Variants in SAMD3 observed in about 807,000 individuals in gnomAD.
The protein encoded by SAMD3 is sterile alpha motif domain-containing protein 3.
SAMD3 carries 63 observed loss-of-function variants against 58.5 expected under a neutral mutation model. That is an observed-to-expected ratio of 1.08 (90% CI 0.88 to 1.33). The LOEUF (loss-of-function observed/expected upper bound fraction) is 1.33. SAMD3 is among the 40% of genes most tolerant of loss of function. The probability of loss-of-function intolerance (pLI) is 0.00; values close to 1 mark genes in which losing one functional copy is unlikely to be tolerated. For missense variants in SAMD3, 604 were observed against 608.4 expected, an observed-to-expected ratio of 0.99 and a Z score of 0.08; for synonymous variants, 220 against 210.3, an observed-to-expected ratio of 1.05 and a Z score of -0.40.
At position 130,146,146 on chromosome 6, in the gene SAMD3, A is replaced by G. The variant is rs745718909; in HGVS notation, c.1059T>C (p.Asp353=). The change falls in exon 10 of 12, where the codon GAT becomes GAC. Residue 353 remains aspartate, a synonymous_variant. Coordinates refer to ENST00000439090, the MANE Select transcript of SAMD3 (RefSeq NM_001017373.4). ...AAATGTGCCTTGTTTTCTTATAAATATCTGTTCTTGTAAGAAGTTGGAATT... is the reference window on the plus strand; with the variant it reads ...AAATGTGCCTTGTTTTCTTATAAATGTCTGTTCTTGTAAGAAGTTGGAATT... The part of the protein sequence containing the change: ...FREFQLLTRT[D]IYKKTRHILE... 4 of 1,596,078 alleles carry G rather than the reference A, an allele frequency of 2.5e-6. No individual in the cohort carries two copies. Among genetic ancestry groups the G allele is most frequent in the African/African-American group, 1.3e-5 (1 of 74,286 alleles).
At chr6:130,158,042 A>G (rs1352931406) in intron 8 of SAMD3, among the ~76,000 whole-genome samples, 2 of 152,182 alleles carry the variant, frequency 1.3e-5, no homozygotes, top group Non-Finnish European at 2.9e-5. Context: ...TTATGAAACT[A>G]TAAAATATTA....
intron 2 of SAMD3, among the ~76,000 whole-genome samples, chr6:130,260,629 G>A (rs777442340): frequency 5.9e-5 from 9 of 152,188 alleles, no homozygotes; most frequent in Admixed American, 2.0e-4. Context: ...TTCCCTGACC[G>A]GGAAGCAAGG....
chr6:130,313,636 T>C (rs2114991544), intron 1 of SAMD3, among the ~76,000 whole-genome samples: 1 of 152,332 alleles, frequency 6.6e-6, no homozygotes, highest in South Asian at 2.1e-4. Flanking sequence ...CATTTTCAGC[T>C]GTAAATCTCT....
intron 1 of SAMD3, among the ~76,000 whole-genome samples, chr6:130,346,981 G>A (rs577547003): frequency 6.6e-6 from 1 of 152,278 alleles, no homozygotes; most frequent in South Asian, 2.1e-4. Flanking sequence ...ATCTGGAGTG[G>A]ACCTCCAGCA....
chr6:130,239,872 C>A (rs1413102072), intron 2 of SAMD3, among the ~76,000 whole-genome samples: 1 of 152,126 alleles, frequency 6.6e-6, no homozygotes, highest in African/African-American at 2.4e-5. Context: ...GTGGGTTGAC[C>A]GGAAGACAAG....
At chr6:130,222,018 A>G (rs1796246291) in intron 1 of SAMD3, among the ~76,000 whole-genome samples, 1 of 152,188 alleles carries the variant, frequency 6.6e-6, no homozygotes, top group Non-Finnish European at 1.5e-5. Flanking sequence ...CACACTGCTA[A>G]GGGGAGTATA....
intron 1 of SAMD3, among the ~76,000 whole-genome samples, chr6:130,330,022 T>G (rs576960423): frequency 5.1e-4 from 77 of 152,252 alleles, no homozygotes; most frequent in Non-Finnish European, 7.5e-4. Context: ...CCATGGCACA[T>G]GTATACCTAT....
chr6:130,359,705 A>C (rs570989336), intron 1 of SAMD3, among the ~76,000 whole-genome samples: 11 of 152,364 alleles, frequency 7.2e-5, no homozygotes, highest in Non-Finnish European at 1.3e-4. Flanking sequence ...ATACAGCCCA[A>C]CTGAATATAA....
intron 2 of SAMD3, among the ~76,000 whole-genome samples, chr6:130,295,215 G>A (rs377421362): frequency 5.7e-4 from 86 of 152,210 alleles, no homozygotes; most frequent in African/African-American, 1.9e-3. Flanking sequence ...GAGCCACCAC[G>A]TCCAGCCTCT....
intron 9 of SAMD3, among the ~76,000 whole-genome samples, chr6:130,152,332 TGA>T (rs1789284775): frequency 6.6e-6 from 1 of 152,188 alleles, no homozygotes; most frequent in Non-Finnish European, 1.5e-5. Flanking sequence ...TGCCTAGGGC[TGA>T]GTCAGGGAGG....
intron 2 of SAMD3, among the ~76,000 whole-genome samples, chr6:130,256,653 T>G (rs1773936720): frequency 6.6e-6 from 1 of 152,164 alleles, no homozygotes; most frequent in Non-Finnish European, 1.5e-5. Context: ...CAATATGCAG[T>G]CCTCTCCCAA....
intron 2 of SAMD3, among the ~76,000 whole-genome samples, chr6:130,282,064 A>T (rs1774998965): frequency 6.6e-6 from 1 of 152,106 alleles, no homozygotes; most frequent in Admixed American, 6.6e-5. Context: ...TGACAGAGCT[A>T]CTCAGGAAAG....
At chr6:130,238,628 A>G (rs73603970) in intron 2 of SAMD3, among the ~76,000 whole-genome samples, 2,042 of 152,356 alleles carry the variant, frequency 0.013, 41 homozygotes, top group African/African-American at 0.047. Context: ...AATACGAGCA[A>G]GAGGGGAAAC....
intron 1 of SAMD3, among the ~76,000 whole-genome samples, chr6:130,343,857 T>C (rs1018495974): frequency 1.3e-5 from 2 of 151,886 alleles, no homozygotes; most frequent in African/African-American, 2.4e-5. Flanking sequence ...CCCAGCTACT[T>C]GGGAGGCCGA....
At chr6:130,177,182 T>C (rs938841782) in intron 7 of SAMD3, among the ~76,000 whole-genome samples, 2 of 152,130 alleles carry the variant, frequency 1.3e-5, no homozygotes, top group Non-Finnish European at 1.5e-5. Flanking sequence ...GCTGAGAGTG[T>C]GCGTTTCTTG....
In SAMD3 at chr6:130,209,619, A is replaced by G; in HGVS notation, c.270-11T>C. The G allele has an allele frequency of 6.4e-7, 1 of 1,556,372 alleles. No homozygotes were observed. On this transcript the variant is annotated splice_polypyrimidine_tract_variant and intron_variant, in intron 4 of 11. Coordinates refer to ENST00000439090, the MANE Select transcript of SAMD3 (RefSeq NM_001017373.4). ...TCTTCATCCCTGTAACTAAGAAAGA[A>G]GAGGTGGGTCAGGCACTATTCAAGA...
intron 7 of SAMD3, among the ~76,000 whole-genome samples, chr6:130,178,382 GAA>G (rs578242227): frequency 7.0e-6 from 1 of 141,938 alleles, no homozygotes; most frequent in East Asian, 2.1e-4. Context: ...GCGGGGAAGG[GAA>G]AAAAAAAAAA....
intron 2 of SAMD3, among the ~76,000 whole-genome samples, chr6:130,281,808 G>A (rs1774990059): frequency 6.6e-6 from 1 of 151,970 alleles, no homozygotes; most frequent in South Asian, 2.1e-4. Flanking sequence ...AGGTACTTAG[G>A]AGGCTGAGGC....
At chr6:130,306,694 A>G (rs1775922515) in intron 2 of SAMD3, among the ~76,000 whole-genome samples, 1 of 152,216 alleles carries the variant, frequency 6.6e-6, no homozygotes, top group African/African-American at 2.4e-5. Context: ...CCCCAAAGAT[A>G]AGTGTATACA....
Sources: allele counts gnomAD v4.1 joint callset (sites outside exome capture counted in the v4.1 genomes callset), GRCh38; gene constraint gnomAD v4.1.1; transcripts MANE v1.5; gene names NCBI Gene and HGNC (gene_info 2026-07-23, HGNC 2026-07-21).